WWOX: variants seen among roughly 807,000 people sequenced by gnomAD.
WWOX encodes the protein WW domain-containing oxidoreductase.
WWOX carries 69 observed loss-of-function variants against 46.2 expected under a neutral mutation model. The observed-to-expected ratio is 1.49, with a 90% CI of 1.23 to 1.82. The LOEUF is 1.82. Ranked by LOEUF, WWOX falls within the 40% of genes most tolerant of loss-of-function variation. The pLI, the probability that WWOX is intolerant of heterozygous loss-of-function variation, is 0.00. For synonymous variants in WWOX, 359 were observed against 202.6 expected (o/e 1.77, Z -6.56); for missense variants, 919 against 542.6 (o/e 1.69, Z -6.89).
At chr16:78,668,894 C>T (rs1010349811) in intron 8 of WWOX, among the ~76,000 whole-genome samples, 10 of 152,242 alleles carry the variant, frequency 6.6e-5, no homozygotes, top group African/African-American at 9.6e-5. Context: ...TTCTCTTCAT[C>T]GGGCCTCCAC....
In WWOX at chr16:78,770,352, A is replaced by T. The variant is rs375437093; in HGVS notation, c.1056+337600A>T. Among the ~76,000 whole-genome samples the T allele has an allele frequency of 3.6e-5, 5 of 138,538 alleles. 1 individual carries two copies. Among genetic ancestry groups the T allele is most frequent in the African/African-American group, 1.3e-4 (5 of 38,290 alleles). 90.9% of individuals were successfully genotyped at this position (138,538 alleles called of 152,430 possible). A position where few individuals can be genotyped will look rare whatever the true frequency, so the allele number is the denominator to read the frequency against. ...GGCCATAGAGTGAGACTCTGTCTCA[A>T]ACAAAAAAAAAATTTAACTCTAAAG... On this transcript the variant is annotated intron_variant, in intron 8 of 8. Transcript: ENST00000566780.
At chr16:79,070,268 ATGTG>A (rs4035490) in intron 8 of WWOX, among the ~76,000 whole-genome samples, 8,434 of 144,864 alleles carry the variant, frequency 0.058, 231 homozygotes, top group Middle Eastern at 0.079. Flanking sequence ...TGTGTTTCTG[ATGTG>A]TGTGTGTGTG....
At chr16:78,688,826 A>G (rs961228315) in intron 8 of WWOX, among the ~76,000 whole-genome samples, 2 of 152,046 alleles carry the variant, frequency 1.3e-5, no homozygotes, top group Admixed American at 1.3e-4. Flanking sequence ...ACCCAGTGGG[A>G]GGTGATTGAA....
chr16:78,942,774 G>A (rs909172063), intron 8 of WWOX, among the ~76,000 whole-genome samples: 4 of 152,158 alleles, frequency 2.6e-5, no homozygotes, highest in Admixed American at 2.6e-4. Flanking sequence ...GCAAACATGA[G>A]CAAGAAATTG....
intron 8 of WWOX, among the ~76,000 whole-genome samples, chr16:79,194,009 T>C (rs1479856669): frequency 6.6e-6 from 1 of 152,218 alleles, no homozygotes; most frequent in Non-Finnish European, 1.5e-5. Flanking sequence ...GTCTCAGTTT[T>C]CTGTAAACTG....
intron 8 of WWOX, among the ~76,000 whole-genome samples, chr16:78,505,713 G>A (rs966061215): frequency 7.4e-6 from 1 of 135,944 alleles, no homozygotes; most frequent in Admixed American, 6.8e-5. Flanking sequence ...GCTCTCCCTA[G>A]CACAGGGAGC....
At chr16:78,804,310 C>T (rs527399994) in intron 8 of WWOX, among the ~76,000 whole-genome samples, 3 of 152,022 alleles carry the variant, frequency 2.0e-5, no homozygotes, top group South Asian at 4.1e-4. Flanking sequence ...TTGAGATGGG[C>T]CATTGAAAAC....
At chr16:78,568,664 G>A (rs1024122208) in intron 8 of WWOX, among the ~76,000 whole-genome samples, 6 of 151,806 alleles carry the variant, frequency 4.0e-5, no homozygotes, top group Admixed American at 1.3e-4. Flanking sequence ...TAGTAGAGGT[G>A]GGGTTTCGCC....
intron 8 of WWOX, among the ~76,000 whole-genome samples, chr16:78,624,984 C>G (rs539866174): frequency 1.1e-4 from 17 of 152,070 alleles, no homozygotes; most frequent in Non-Finnish European, 2.1e-4. Context: ...GGTTAATGTC[C>G]CCGCTGACCC....
At chr16:78,858,532 G>C (rs965515262) in intron 8 of WWOX, among the ~76,000 whole-genome samples, 5 of 151,958 alleles carry the variant, frequency 3.3e-5, no homozygotes, top group Non-Finnish European at 5.9e-5. Context: ...AATGATTTGG[G>C]GTTGAGGTGA....
intron 5 of WWOX, among the ~76,000 whole-genome samples, chr16:78,326,577 GCC>G (rs60010994): frequency 0.31 from 10,332 of 32,802 alleles, 1,878 homozygotes; most frequent in Non-Finnish European, 0.34. Flanking sequence ...CCCTCCCCCC[GCC>G]CCCCCCCCCC....
At chr16:78,231,001 C>T (rs542444274) in intron 5 of WWOX, among the ~76,000 whole-genome samples, 122 of 152,364 alleles carry the variant, frequency 8.0e-4, no homozygotes, top group Admixed American at 2.4e-3. Flanking sequence ...GACTGTGGTA[C>T]TGAGTCATCC....
At chr16:78,372,292 G>C (rs11649021) in intron 5 of WWOX, among the ~76,000 whole-genome samples, 121,090 of 152,122 alleles carry the variant, frequency 0.8, 49,197 homozygotes, top group African/African-American at 0.85. Context: ...ATTCTAGGGT[G>C]TCCTTCATGC....
At chr16:78,939,239 G>T (rs1430304812) in intron 8 of WWOX, among the ~76,000 whole-genome samples, 1 of 152,106 alleles carries the variant, frequency 6.6e-6, no homozygotes, top group African/African-American at 2.4e-5. Context: ...CACAGAATTG[G>T]GTGTTGGGCT....
chr16:78,959,247 A>G (rs971872284), intron 8 of WWOX, among the ~76,000 whole-genome samples: 1 of 152,200 alleles, frequency 6.6e-6, no homozygotes, highest in Non-Finnish European at 1.5e-5. Flanking sequence ...TATTGTACAG[A>G]CTTAGAAATA....
chr16:78,616,942 T>C (rs917339583), intron 8 of WWOX, among the ~76,000 whole-genome samples: 3 of 152,192 alleles, frequency 2.0e-5, no homozygotes, highest in African/African-American at 4.8e-5. Context: ...TGTTTTATAA[T>C]GTTCCTTTTG....
intron 8 of WWOX, among the ~76,000 whole-genome samples, chr16:78,498,495 C>G (rs1483147168): frequency 6.6e-6 from 1 of 152,102 alleles, no homozygotes; most frequent in Non-Finnish European, 1.5e-5. Context: ...CTGAGAAGCA[C>G]AAGGTGTGAG....
intron 8 of WWOX, among the ~76,000 whole-genome samples, chr16:78,698,583 T>C (rs190065169): frequency 1.6e-4 from 25 of 152,348 alleles, no homozygotes; most frequent in Admixed American, 1.4e-3. Context: ...AAAAATATTA[T>C]GCTACATTTC....
chr16:79,091,419 A>C (rs146928952), intron 8 of WWOX, among the ~76,000 whole-genome samples: 2 of 152,128 alleles, frequency 1.3e-5, no homozygotes, highest in Non-Finnish European at 2.9e-5. Context: ...GGCAGTAGCA[A>C]CATATACCAG....
Sources: allele counts gnomAD v4.1 joint callset (sites outside exome capture counted in the v4.1 genomes callset), GRCh38; gene constraint gnomAD v4.1.1; transcripts MANE v1.5; gene names NCBI Gene and HGNC (gene_info 2026-07-23, HGNC 2026-07-21).